The following GPR35 variants were observed in gnomAD, a reference collection of about 807,000 sequenced individuals.
The protein encoded by GPR35 is KYNA receptor.
For missense variants in GPR35, 372 were observed against 422.5 expected, an observed-to-expected ratio of 0.88 and a Z score of 1.05; for synonymous variants, 207 against 198.4, an observed-to-expected ratio of 1.04 and a Z score of -0.36.
intron 2 of GPR35, among the ~76,000 whole-genome samples, chr2:240,613,658 A>G (rs551960391): frequency 6.6e-6 from 1 of 152,104 alleles, no homozygotes; most frequent in East Asian, 1.9e-4. Context: ...CCCTAACTCA[A>G]TTCAAACCTT....
At chr2:240,617,498 T>C (rs954082632) in intron 4 of GPR35, 5 of 464,894 alleles carry the variant, frequency 1.1e-5, no homozygotes, top group Middle Eastern at 5.9e-4. Flanking sequence ...TGCAAAGTAG[T>C]GATATTCTAC....
upstream of GPR35, among the ~76,000 whole-genome samples, chr2:240,623,474 G>GTGAGGGCGCAAACAGGTCA (rs1559437763): frequency 1.2e-4 from 8 of 67,462 alleles, no homozygotes; most frequent in Non-Finnish European, 7.6e-5. Context: ...CAAACAGGTC[G>GTGAGGGCGCAAACAGGTCA]TGAGGGCGCA....
At chr2:240,624,152 G>A (rs968885143), upstream of GPR35, among the ~76,000 whole-genome samples, 1 of 152,158 alleles carries the variant, frequency 6.6e-6, no homozygotes, top group Non-Finnish European at 1.5e-5. Context: ...CTTGACGGCG[G>A]CCGGGCTTGG....
chr2:240,625,197 G>C (rs1222199945), upstream of GPR35: 2 of 892,450 alleles, frequency 2.2e-6, no homozygotes, highest in Non-Finnish European at 1.3e-6. Context: ...CTCCGTGGGC[G>C]GGGCTGGAGC....
At chr2:240,616,154 G>T (rs2043234829) in intron 2 of GPR35, among the ~76,000 whole-genome samples, 1 of 152,056 alleles carries the variant, frequency 6.6e-6, no homozygotes, top group Non-Finnish European at 1.5e-5. Context: ...TGTCATCCAG[G>T]GGGCAAAAAT....
chr2:240,605,790 T>C lies in GPR35; in HGVS notation c.-803+220T>C, dbSNP rs113838316. 4.5e-4 allele frequency among the ~76,000 whole-genome samples: 69 copies of C among 152,374 alleles called. 1 individual carries two copies. Among genetic ancestry groups the C allele is most frequent in the African/African-American group, 1.6e-3 (65 of 41,584 alleles). ...TTTTTGTTTGTTTGTTTTCACCTAA[T>C]TTTTGCCAGACTTAAGCTAGTTTTG... On this transcript the variant is annotated intron_variant, in intron 1 of 5. Transcript: ENST00000319838.
At chr2:240,608,275 T>C (rs1324925128) in intron 2 of GPR35, among the ~76,000 whole-genome samples, 1 of 152,236 alleles carries the variant, frequency 6.6e-6, no homozygotes, top group Non-Finnish European at 1.5e-5. Flanking sequence ...TTCCCTTGCC[T>C]TATTTCCTCT....
intron 2 of GPR35, among the ~76,000 whole-genome samples, chr2:240,615,658 A>G (rs1449759831): frequency 6.6e-6 from 1 of 152,232 alleles, no homozygotes; most frequent in Non-Finnish European, 1.5e-5. Context: ...TTCTATCTAC[A>G]AAAAATGCCA....
intron 2 of GPR35, among the ~76,000 whole-genome samples, chr2:240,614,149 C>G (rs1168655157): frequency 2.0e-5 from 3 of 152,040 alleles, no homozygotes; most frequent in Non-Finnish European, 4.4e-5. Context: ...AGCCAAAACC[C>G]TAGCACTAAC....
At chr2:240,618,103 A>G (rs1303334098) in intron 4 of GPR35, among the ~76,000 whole-genome samples, 2 of 152,200 alleles carry the variant, frequency 1.3e-5, no homozygotes, top group Admixed American at 6.5e-5. Context: ...ATGAGTACAA[A>G]TGGATACTTT....
intron 4 of GPR35, chr2:240,617,600 G>A (rs2043252240): frequency 4.8e-6 from 1 of 208,620 alleles, no homozygotes; most frequent in Non-Finnish European, 9.9e-6. Flanking sequence ...GGTACAGTTT[G>A]CATAGGAAAG....
intron 1 of GPR35, among the ~76,000 whole-genome samples, chr2:240,606,227 C>T (rs1311198317): frequency 6.6e-6 from 1 of 152,160 alleles, no homozygotes; most frequent in Non-Finnish European, 1.5e-5. Context: ...ATGCAGTGTC[C>T]CTTACCCAGG....
intron 2 of GPR35, among the ~76,000 whole-genome samples, chr2:240,608,004 A>G (rs986052261): frequency 4.6e-5 from 7 of 152,060 alleles, no homozygotes; most frequent in African/African-American, 1.7e-4. Context: ...TGATCCTCCC[A>G]CCTCAGCTTC....
At chr2:240,614,119 C>T (rs1216186791) in intron 2 of GPR35, among the ~76,000 whole-genome samples, 1 of 152,214 alleles carries the variant, frequency 6.6e-6, no homozygotes, top group South Asian at 2.1e-4. Flanking sequence ...AACCCTAAGC[C>T]TAACCCTAAC....
In GPR35 at chr2:240,625,485, C is replaced by T. The variant is rs2043358048; in HGVS notation, c.-88C>T. 3 of 985,748 alleles carry T rather than the reference C, an allele frequency of 3.0e-6. No homozygotes were observed. Among genetic ancestry groups the T allele is most frequent in the East Asian group, 1.1e-4 (1 of 8,832 alleles). The allele number at this position is 985,748 out of a possible 1,614,324, so 61.1% of individuals were successfully genotyped here. A position where few individuals can be genotyped will look rare whatever the true frequency, so the allele number is the denominator to read the frequency against. The stretch of plus-strand genomic sequence containing the variant: ...GGGTGGCTCACCCCAGCTTCACTTC[C>T]CCCAGCCCTTCTCAGACAGCCACTG... On this transcript the variant is annotated 5_prime_UTR_variant, in exon 1 of 2. Transcript: ENST00000407714.
intron 2 of GPR35, among the ~76,000 whole-genome samples, chr2:240,614,478 C>T (rs2043220227): frequency 6.6e-6 from 1 of 152,226 alleles, no homozygotes; most frequent in Non-Finnish European, 1.5e-5. Context: ...CCCTGGCCCC[C>T]AGGCCTTGGT....
chr2:240,620,738 C>T (rs1245260510), upstream of GPR35, among the ~76,000 whole-genome samples: 1 of 152,116 alleles, frequency 6.6e-6, no homozygotes, highest in Non-Finnish European at 1.5e-5. Flanking sequence ...CCTTAGGCCA[C>T]AGGTGCTAGT....
chr2:240,622,407 C>A (rs1032023707), upstream of GPR35, among the ~76,000 whole-genome samples: 1 of 152,176 alleles, frequency 6.6e-6, no homozygotes, highest in African/African-American at 2.4e-5. Flanking sequence ...CCTGACATCG[C>A]CTCACAGACT....
At chr2:240,607,383 G>A (rs1433077451) in intron 2 of GPR35, 1 of 151,960 alleles carries the variant, frequency 6.6e-6, no homozygotes, top group East Asian at 1.9e-4. Flanking sequence ...TAGAAACAGG[G>A]TTTCGCTATG....
Sources: gnomAD v4.1 joint callset for allele counts (sites outside exome capture counted in the v4.1 genomes callset) on GRCh38, gnomAD v4.1.1 for gene constraint, MANE v1.5 for transcripts, NCBI Gene and HGNC (gene_info 2026-07-23, HGNC 2026-07-21) for gene names.